ETS1: variants seen among roughly 807,000 people sequenced by gnomAD.
ETS1 encodes the protein ETS proto-oncogene 1, transcription factor.
A neutral mutation model predicts 58.6 loss-of-function variants in ETS1; 15 were observed. That is an observed-to-expected ratio of 0.26 (90% CI 0.17 to 0.39). The LOEUF is 0.39. Among genes scored for constraint, ETS1 ranks in the 10% least tolerant of loss-of-function variants. The probability of loss-of-function intolerance (pLI) is 1.00; values close to 1 mark genes in which losing one functional copy is unlikely to be tolerated. For missense variants in ETS1, 417 were observed against 610.5 expected, an observed-to-expected ratio of 0.68 and a Z score of 3.34; for synonymous variants, 214 against 218.2, an observed-to-expected ratio of 0.98 and a Z score of 0.17.
intron 3 of ETS1, among the ~76,000 whole-genome samples, chr11:128,540,234 A>AC (rs1465916280): frequency 6.7e-6 from 1 of 149,156 alleles, no homozygotes; most frequent in Non-Finnish European, 1.5e-5. Context: ...AATCACTTCA[A>AC]CCCAGGAGGC....
Position 128,553,584 on chromosome 11 carries a change from G to T in ETS1, c.214+2707C>A, listed in dbSNP as rs76269920. On this transcript the variant is annotated intron_variant, in intron 3 of 9. Transcript: ENST00000392668. ...CATCTATTTTGTCCAATCGATTCCC[G>T]ACAGACCTTGGCGCTTTAGTATTCT... 7.9e-5 allele frequency among the ~76,000 whole-genome samples: 12 copies of T among 151,630 alleles called. No individual in the cohort carries two copies. The East Asian group carries it at 2.3e-3, about 29-fold the overall frequency.
In ETS1 at chr11:128,460,956, T is replaced by C. The variant is rs888856601; in HGVS notation, c.*1405A>G. The C allele has an allele frequency of 6.6e-6, 1 of 152,348 alleles. No homozygotes were observed. 9.4% of individuals were successfully genotyped at this position (152,348 alleles called of 1,614,324 possible). A position where few individuals can be genotyped will look rare whatever the true frequency, so the allele number is the denominator to read the frequency against. ...TGACATCCTACCGGACTAATTTAAA[T>C]TCTTCAAAGGAAAGCCTTGCACTTC... On this transcript the variant is annotated 3_prime_UTR_variant, in exon 10 of 10. Coordinates refer to ENST00000392668, the MANE Select transcript of ETS1 (RefSeq NM_001143820.2).
chr11:128,507,476 CT>C (rs1218022641), intron 3 of ETS1, among the ~76,000 whole-genome samples: 1 of 152,194 alleles, frequency 6.6e-6, no homozygotes, highest in Non-Finnish European at 1.5e-5. Flanking sequence ...GAATTAGTCA[CT>C]GGATTAGCAA....
At chr11:128,553,613 C>G (rs1228494974) in intron 3 of ETS1, among the ~76,000 whole-genome samples, 1 of 151,984 alleles carries the variant, frequency 6.6e-6, no homozygotes, top group Non-Finnish European at 1.5e-5. Flanking sequence ...GTATTCTCTC[C>G]CACTCACCTG....
intron 3 of ETS1, among the ~76,000 whole-genome samples, chr11:128,499,235 G>C (rs562894881): frequency 7.3e-4 from 111 of 152,266 alleles, no homozygotes; most frequent in Admixed American, 1.4e-3. Context: ...ACTAATTCTG[G>C]TTTACATAAT....
At chr11:128,466,671 G>A (rs111773843) in intron 8 of ETS1, among the ~76,000 whole-genome samples, 10 of 151,956 alleles carry the variant, frequency 6.6e-5, no homozygotes, top group African/African-American at 2.2e-4. Context: ...GAGGACTTTT[G>A]TCCTCATTGT....
At chr11:128,508,605 A>G (rs149830779) in intron 3 of ETS1, among the ~76,000 whole-genome samples, 122 of 152,304 alleles carry the variant, frequency 8.0e-4, no homozygotes, top group African/African-American at 2.0e-3. Context: ...TTTGTCTTAG[A>G]GGGCTTAGGT....
intron 1 of ETS1, among the ~76,000 whole-genome samples, chr11:128,576,985 G>T (rs753867835): frequency 4.6e-5 from 7 of 152,094 alleles, no homozygotes; most frequent in African/African-American, 9.7e-5. Context: ...CTATCACGGT[G>T]CTTATCACAT....
chr11:128,493,603 G>T (rs1862860971), intron 3 of ETS1, among the ~76,000 whole-genome samples: 1 of 152,192 alleles, frequency 6.6e-6, no homozygotes, highest in Non-Finnish European at 1.5e-5. Flanking sequence ...CTTGCATTTG[G>T]ACTTGATCAG....
chr11:128,489,392 T>C lies in ETS1; in HGVS notation c.433A>G (p.Asn145Asp). The change falls in exon 5 of 10, where the codon AAT becomes GAT. Residue 145 changes from asparagine (N) to aspartate (D), a missense_variant. Asn to Asp is a conservative substitution (Grantham distance 23, BLOSUM62 1). Around this residue, in one of 4 missense-constraint regions of ETS1, gnomAD observed 132 missense variants for 212.1 expected, o/e 0.62. Transcript: ENST00000392668. ...KGVDFQKFCM[N>D]GAALCALGKD... is the part of the protein sequence containing the mutation. ...CCCAGGGCGCAGAGGGCTGCTCCAT[T>C]CATACAGAACTTCTGGAAGTCTACA... 2 of 1,614,184 alleles carry C rather than the reference T, an allele frequency of 1.2e-6. No individual in the cohort carries two copies. Among genetic ancestry groups the C allele is most frequent in the Non-Finnish European group, 1.7e-6 (2 of 1,180,026 alleles).
rs942357159 is a variant in ETS1, at chr11:128,579,618, G to A, written c.-14-6474C>T. Among the ~76,000 whole-genome samples the A allele has an allele frequency of 2.1e-5, 3 of 142,426 alleles. No homozygotes were observed. In the East Asian group the frequency reaches 6.3e-4, roughly 30 times the overall value. The allele number at this position is 142,426 out of a possible 152,430, so 93.4% of individuals were successfully genotyped here. Reference sequence around the variant, plus strand: ...AGAGGTTGCAGTGAGCCGAGATCTCGCCATTACACTCCCACCCGGCAACAA... The same window carrying A: ...AGAGGTTGCAGTGAGCCGAGATCTCACCATTACACTCCCACCCGGCAACAA... On this transcript the variant is annotated intron_variant, in intron 1 of 9. Coordinates refer to ENST00000392668, the MANE Select transcript of ETS1 (RefSeq NM_001143820.2).
chr11:128,519,887 T>G (rs1231666512), intron 3 of ETS1, among the ~76,000 whole-genome samples: 1 of 152,138 alleles, frequency 6.6e-6, no homozygotes, highest in Non-Finnish European at 1.5e-5. Flanking sequence ...TTGATTATAG[T>G]CTATATATTT....
chr11:128,578,884 ATAAT>A (rs575130931), intron 1 of ETS1, among the ~76,000 whole-genome samples: 109 of 152,346 alleles, frequency 7.2e-4, no homozygotes, highest in Non-Finnish European at 1.2e-3. Context: ...TTATTATCGT[ATAAT>A]TAATTTGTCC....
chr11:128,522,411 G>A (rs2135520356), intron 3 of ETS1: 1 of 935,452 alleles, frequency 1.1e-6, no homozygotes, highest in Non-Finnish European at 1.3e-6. Context: ...CGCGCCCTGG[G>A]CCGGGCGATG....
intron 1 of ETS1, among the ~76,000 whole-genome samples, chr11:128,579,401 C>G (rs1208746311): frequency 6.6e-6 from 1 of 152,010 alleles, no homozygotes; most frequent in African/African-American, 2.4e-5. Flanking sequence ...GTGGCTCACG[C>G]CTGTAATTCC....
chr11:128,576,904 A>T (rs970064681), intron 1 of ETS1, among the ~76,000 whole-genome samples: 3 of 152,070 alleles, frequency 2.0e-5, no homozygotes, highest in Admixed American at 2.0e-4. Flanking sequence ...TGCAGCCTGG[A>T]ATCCTTCCTG....
chr11:128,552,544 A>T (rs932163788), intron 3 of ETS1, among the ~76,000 whole-genome samples: 2 of 152,236 alleles, frequency 1.3e-5, no homozygotes, highest in Non-Finnish European at 2.9e-5. Flanking sequence ...CATCACATCC[A>T]TAAGTTTGGC....
chr11:128,584,443 C>T (rs921695800), intron 1 of ETS1, among the ~76,000 whole-genome samples: 2 of 152,172 alleles, frequency 1.3e-5, no homozygotes, highest in African/African-American at 4.8e-5. Context: ...GCCTCAGAGT[C>T]CCCACCTGGT....
chr11:128,488,606 AT>A (rs1862703405), intron 5 of ETS1, among the ~76,000 whole-genome samples: 1 of 152,208 alleles, frequency 6.6e-6, no homozygotes, highest in Non-Finnish European at 1.5e-5. Flanking sequence ...ATTCAAAAAA[AT>A]AAGCACAAAA....
Sources: allele counts gnomAD v4.1 joint callset (sites outside exome capture counted in the v4.1 genomes callset), GRCh38; gene constraint gnomAD v4.1.1; regional missense constraint gnomAD v4.1.1; transcripts MANE v1.5; gene names NCBI Gene and HGNC (gene_info 2026-07-23, HGNC 2026-07-21).